Variants in SLC16A7 observed in about 807,000 individuals in gnomAD.
The protein encoded by SLC16A7 is monocarboxylate transporter 2.
A neutral mutation model predicts 34.9 loss-of-function variants in SLC16A7; 33 were observed. The ratio of observed to expected loss-of-function variants is 0.94; its 90% CI spans 0.72 to 1.26. The LOEUF is 1.26. Ranked by LOEUF, SLC16A7 falls within the 50% of genes most tolerant of loss-of-function variation. The pLI, the probability that SLC16A7 is intolerant of heterozygous loss-of-function variation, is 0.00. For synonymous variants in SLC16A7, 201 were observed against 206.6 expected, an observed-to-expected ratio of 0.97 and a Z score of 0.23; for missense variants, 573 against 578.1, an observed-to-expected ratio of 0.99 and a Z score of 0.09.
At chr12:59,683,438 T>C (rs965395710) in intron 2 of SLC16A7, among the ~76,000 whole-genome samples, 2 of 152,194 alleles carry the variant, frequency 1.3e-5, no homozygotes, top group East Asian at 3.9e-4. Flanking sequence ...CTATTAAAGT[T>C]GTCCATGTGT....
chr12:59,610,781 A>G (rs971148250), intron 1 of SLC16A7, among the ~76,000 whole-genome samples: 6 of 152,246 alleles, frequency 3.9e-5, no homozygotes, highest in African/African-American at 1.2e-4. Context: ...ATAGTAATAC[A>G]CTGTTCTGAA....
At chr12:59,697,855 G>A (rs1458443714) in intron 2 of SLC16A7, among the ~76,000 whole-genome samples, 1 of 151,732 alleles carries the variant, frequency 6.6e-6, no homozygotes, top group African/African-American at 2.4e-5. Flanking sequence ...GGCATAATGG[G>A]TGAAATGTTT....
rs999049390 is a variant in SLC16A7, at chr12:59,787,794, C to T, written c.*8115C>T. ...GGTTAGATTCAGCCAAACCGACACC[C>T]GTATGCTAAGACTGCATTGTCATTC... is the stretch of plus-strand genomic sequence containing the variant. On this transcript the variant is annotated 3_prime_UTR_variant, in exon 6 of 6. Transcript: ENST00000547379. The T allele has an allele frequency of 1.3e-5, 2 of 152,080 alleles. No homozygotes were observed. Among genetic ancestry groups the T allele is most frequent in the Non-Finnish European group, 2.9e-5 (2 of 68,008 alleles). The allele number at this position is 152,080 out of a possible 1,614,324, so 9.4% of individuals were successfully genotyped here.
intron 3 of SLC16A7, among the ~76,000 whole-genome samples, chr12:59,740,906 A>G (rs554501498): frequency 6.6e-6 from 1 of 152,184 alleles, no homozygotes; most frequent in African/African-American, 2.4e-5. Context: ...AAGCATTCTT[A>G]TACACCAATA....
chr12:59,767,836 C>T lies in SLC16A7; in HGVS notation c.218-3383C>T, dbSNP rs111404205. The stretch of plus-strand genomic sequence containing the variant: ...TCAAGTTTCAATTTCAGCAAACTAT[C>T]GCAAGGACAAAAAACCAATCACCGC... On this transcript the variant is annotated intron_variant, in intron 3 of 5. Coordinates refer to ENST00000547379, the MANE Select transcript of SLC16A7 (RefSeq NM_001270623.2). Among the ~76,000 whole-genome samples, 1,165 of 151,388 alleles carry T rather than the reference C, an allele frequency of 7.7e-3. 7 individuals carry two copies. Among genetic ancestry groups the T allele is most frequent in the South Asian group, 0.019 (92 of 4,794 alleles).
chr12:59,757,711 C>G (rs1369114228), intron 3 of SLC16A7, among the ~76,000 whole-genome samples: 1 of 152,108 alleles, frequency 6.6e-6, no homozygotes, highest in African/African-American at 2.4e-5. Flanking sequence ...TCTGGCACCC[C>G]TGAGTCAGCC....
rs1196040745 is a variant in SLC16A7, at chr12:59,781,386, A to T, written c.*1707A>T. ...TTTTATTGTAATAAAGGCAGGTGCTATTTTTTTCTGGTGAGATTGCACCTG... is the reference window on the plus strand; with the variant it reads ...TTTTATTGTAATAAAGGCAGGTGCTTTTTTTTTCTGGTGAGATTGCACCTG... On this transcript the variant is annotated 3_prime_UTR_variant, in exon 6 of 6. Coordinates refer to ENST00000547379, the MANE Select transcript of SLC16A7 (RefSeq NM_001270623.2). 1 of 152,438 alleles carries T rather than the reference A, an allele frequency of 6.6e-6. No individual in the cohort carries two copies. Among genetic ancestry groups the T allele is most frequent in the African/African-American group, 2.4e-5 (1 of 41,408 alleles). 9.4% of individuals were successfully genotyped at this position (152,438 alleles called of 1,614,324 possible). A position where few individuals can be genotyped will look rare whatever the true frequency, so the allele number is the denominator to read the frequency against.
chr12:59,730,886 T>C (rs1464709663), intron 3 of SLC16A7, among the ~76,000 whole-genome samples: 4 of 152,206 alleles, frequency 2.6e-5, no homozygotes, highest in Admixed American at 2.6e-4. Context: ...TGATTATGTA[T>C]AGCAGTGTTT....
chr12:59,745,357 G>A (rs539107725), intron 3 of SLC16A7, among the ~76,000 whole-genome samples: 36 of 152,184 alleles, frequency 2.4e-4, no homozygotes, highest in Admixed American at 1.0e-3. Flanking sequence ...GTCCTATTGG[G>A]TTGGGAATGG....
At chr12:59,774,611 CATA>C in intron 4 of SLC16A7, 43 bp from the exon 5 acceptor site, 1 of 1,218,224 alleles carries the variant, frequency 8.2e-7, no homozygotes. Context: ...TTGTGAGTGC[CATA>C]ATGTGTTTGT....
At chr12:59,741,340 C>G (rs910275036) in intron 3 of SLC16A7, among the ~76,000 whole-genome samples, 4 of 152,096 alleles carry the variant, frequency 2.6e-5, no homozygotes, top group African/African-American at 9.7e-5. Flanking sequence ...GAAACCTTAC[C>G]CAGTGTGTTT....
At chr12:59,648,365 A>G (rs1400739426) in intron 1 of SLC16A7, among the ~76,000 whole-genome samples, 2 of 152,212 alleles carry the variant, frequency 1.3e-5, no homozygotes, top group East Asian at 3.9e-4. Context: ...GGCATGAGGG[A>G]CTTGAGATTG....
At chr12:59,608,232 G>T (rs546130929) in intron 1 of SLC16A7, among the ~76,000 whole-genome samples, 3 of 152,148 alleles carry the variant, frequency 2.0e-5, no homozygotes, top group South Asian at 4.1e-4. Flanking sequence ...TCTGTTTCCT[G>T]TAGTATCAGT....
rs1448615733 is a variant in SLC16A7 at position 59,617,262 on chromosome 12, C to T, written c.-130+21026C>T. ...CTTCTTATTAAATATATGCACCCTT[C>T]TCATCCGTTTTATTAATATACTCAT... On this transcript the variant is annotated intron_variant, in intron 1 of 5. Coordinates refer to ENST00000547379, the MANE Select transcript of SLC16A7 (RefSeq NM_001270623.2). Among the ~76,000 whole-genome samples, 3 of 152,098 alleles carry T rather than the reference C, an allele frequency of 2.0e-5. No homozygotes were observed. The East Asian group carries it at 5.8e-4, about 29-fold the overall frequency.
chr12:59,612,169 A>G (rs997304101), intron 1 of SLC16A7, among the ~76,000 whole-genome samples: 1 of 152,232 alleles, frequency 6.6e-6, no homozygotes, highest in Non-Finnish European at 1.5e-5. Context: ...CCCTGCAGCA[A>G]ACTTCTGCCT....
At chr12:59,742,853 G>A (rs1878491330) in intron 3 of SLC16A7, among the ~76,000 whole-genome samples, 1 of 152,044 alleles carries the variant, frequency 6.6e-6, no homozygotes, top group South Asian at 2.1e-4. Flanking sequence ...ATAAATCCAT[G>A]CACAGTTAAT....
chr12:59,723,711 A>G, intron 3 of SLC16A7, among the ~76,000 whole-genome samples: 1 of 152,062 alleles, frequency 6.6e-6, no homozygotes. Flanking sequence ...AAGGCATTGC[A>G]CAATGACTCT....
intron 3 of SLC16A7, among the ~76,000 whole-genome samples, chr12:59,729,986 C>T (rs1019192740): frequency 6.6e-6 from 1 of 152,242 alleles, no homozygotes; most frequent in East Asian, 1.9e-4. Context: ...GAGTAGTCTG[C>T]AAGCTTTCAC....
intron 3 of SLC16A7, among the ~76,000 whole-genome samples, chr12:59,713,128 T>G (rs1311336657): frequency 2.0e-5 from 3 of 152,116 alleles, no homozygotes; most frequent in African/African-American, 7.2e-5. Context: ...CAAGTAATTC[T>G]CCCTCCTCAG....
Sources: allele counts gnomAD v4.1 joint callset (sites outside exome capture counted in the v4.1 genomes callset), GRCh38; gene constraint gnomAD v4.1.1; transcripts MANE v1.5; gene names NCBI Gene and HGNC (gene_info 2026-07-23, HGNC 2026-07-21).